The following SLC25A26 variants were observed in gnomAD, a reference collection of about 807,000 sequenced individuals.
SLC25A26 encodes solute carrier family 25 member 26.
Under a neutral mutation model 37.8 loss-of-function variants are expected in SLC25A26, and 36 were observed. That is an observed-to-expected ratio of 0.95 (90% CI 0.73 to 1.26). The LOEUF is 1.26. SLC25A26 is among the 50% of genes most tolerant of loss of function. The probability of loss-of-function intolerance (pLI) is 0.00; values close to 1 mark genes in which losing one functional copy is unlikely to be tolerated. For missense variants in SLC25A26, 390 were observed against 331.1 expected (o/e 1.18, Z -1.38); for synonymous variants, 129 against 122.5 (o/e 1.05, Z -0.35).
chr3:66,263,518 C>T (rs547712882), intron 5 of SLC25A26, 139 bp downstream of exon 5: 439 of 639,778 alleles, frequency 6.9e-4, no homozygotes, highest in Admixed American at 2.1e-3. Context: ...CGTCACTCTT[C>T]TGTTAAATTT....
At chr3:66,176,879 T>G (rs1184437468) in intron 1 of SLC25A26, among the ~76,000 whole-genome samples, 1 of 152,230 alleles carries the variant, frequency 6.6e-6, no homozygotes, top group African/African-American at 2.4e-5. Context: ...ATCGACCTTC[T>G]TCCCAGAGAC....
chr3:66,153,100 C>G (rs997056873), intron 1 of SLC25A26, among the ~76,000 whole-genome samples: 1 of 152,160 alleles, frequency 6.6e-6, no homozygotes, highest in Non-Finnish European at 1.5e-5. Context: ...TTCTGTTCCC[C>G]AGGGGCCATT....
chr3:66,134,912 C>T (rs1463465545), intron 1 of SLC25A26, among the ~76,000 whole-genome samples: 3 of 151,962 alleles, frequency 2.0e-5, no homozygotes, highest in African/African-American at 7.3e-5. Context: ...CTCACTGCAA[C>T]TTCTGCCTCC....
At chr3:66,311,461 G>T (rs1461724816) in intron 5 of SLC25A26, among the ~76,000 whole-genome samples, 1 of 152,004 alleles carries the variant, frequency 6.6e-6, no homozygotes, top group African/African-American at 2.4e-5. Flanking sequence ...CGAGGAGTTT[G>T]TTATTACCCA....
chr3:66,275,639 T>C (rs1318504940), intron 5 of SLC25A26, among the ~76,000 whole-genome samples: 1 of 152,102 alleles, frequency 6.6e-6, no homozygotes, highest in Non-Finnish European at 1.5e-5. Context: ...GCAAGAATTA[T>C]GGAGTTCTCA....
chr3:66,158,652 G>A (rs566607547), intron 1 of SLC25A26, among the ~76,000 whole-genome samples: 2 of 152,202 alleles, frequency 1.3e-5, no homozygotes, highest in African/African-American at 2.4e-5. Context: ...GGTTATTCAC[G>A]CAGGCATTGA....
intron 3 of SLC25A26, among the ~76,000 whole-genome samples, chr3:66,261,330 C>A (rs1172968059): frequency 6.6e-6 from 1 of 152,224 alleles, no homozygotes; most frequent in East Asian, 1.9e-4. Flanking sequence ...GGGCAGAGTT[C>A]CTTTGGGTTT....
Position 66,290,964 on chromosome 3 carries a change from G to A in SLC25A26, c.453+27585G>A, listed in dbSNP as rs144491635. 3.0e-3 allele frequency among the ~76,000 whole-genome samples: 461 copies of A among 152,116 alleles called. 3 individuals carry two copies. The highest frequency in any genetic ancestry group is 0.017 in the East Asian group (89 of 5,180). On this transcript the variant is annotated intron_variant, in intron 5 of 9. Transcript: ENST00000354883. ...GGTACTGGGCCTTTTTTGGTTTGTA[G>A]GCTATTAATTACTTCCTCAATTTCA...
At chr3:66,356,379 G>C (rs1370113274) in intron 6 of SLC25A26, among the ~76,000 whole-genome samples, 5 of 152,138 alleles carry the variant, frequency 3.3e-5, no homozygotes, top group African/African-American at 7.2e-5. Context: ...TTAGCATTAA[G>C]TGAAGAATCA....
intron 5 of SLC25A26, among the ~76,000 whole-genome samples, chr3:66,310,798 T>G (rs746974228): frequency 2.5e-4 from 38 of 152,200 alleles, no homozygotes; most frequent in Non-Finnish European, 4.3e-4. Flanking sequence ...GTTCTTTTCT[T>G]TAAGAATGTT....
At chr3:66,180,797 C>A (rs1050527436) in intron 1 of SLC25A26, among the ~76,000 whole-genome samples, 1 of 152,110 alleles carries the variant, frequency 6.6e-6, no homozygotes, top group East Asian at 1.9e-4. Context: ...TGGAATGAAA[C>A]GTGTCCCCCT....
intron 3 of SLC25A26, among the ~76,000 whole-genome samples, chr3:66,252,795 T>C (rs1372729814): frequency 2.0e-5 from 3 of 152,236 alleles, no homozygotes; most frequent in Non-Finnish European, 4.4e-5. Context: ...GTTTCCCAGC[T>C]ATTATTATTC....
intron 6 of SLC25A26, among the ~76,000 whole-genome samples, chr3:66,358,633 A>T (rs1451814770): frequency 1.3e-5 from 2 of 152,196 alleles, no homozygotes; most frequent in African/African-American, 4.8e-5. Flanking sequence ...TCTGTGAGTT[A>T]CTTAACATCT....
At chr3:66,330,874 T>C (rs984253482) in intron 5 of SLC25A26, among the ~76,000 whole-genome samples, 138 of 152,288 alleles carry the variant, frequency 9.1e-4, no homozygotes, top group South Asian at 1.0e-3. Context: ...CAAGATAAAC[T>C]ACCAGCCTAT....
intron 9 of SLC25A26, among the ~76,000 whole-genome samples, chr3:66,373,026 G>C (rs927943539): frequency 2.6e-5 from 4 of 152,316 alleles, no homozygotes; most frequent in Admixed American, 2.6e-4. Flanking sequence ...TGGCGCATAT[G>C]GGAGTACACA....
intron 1 of SLC25A26, among the ~76,000 whole-genome samples, chr3:66,164,285 A>G (rs1038570338): frequency 2.6e-5 from 4 of 152,220 alleles, no homozygotes; most frequent in Non-Finnish European, 5.9e-5. Flanking sequence ...GGATTGTTTA[A>G]TTGGACAACT....
At chr3:66,295,722 A>G (rs1023811991) in intron 5 of SLC25A26, among the ~76,000 whole-genome samples, 4 of 147,418 alleles carry the variant, frequency 2.7e-5, no homozygotes, top group African/African-American at 7.5e-5. Context: ...CTGATCTTGA[A>G]CTCCTGACCT....
chr3:66,292,985 T>G (rs1291330562), intron 5 of SLC25A26: 2 of 152,092 alleles, frequency 1.3e-5, no homozygotes, highest in Non-Finnish European at 2.9e-5. Context: ...TGTTTGTTCC[T>G]TTTCATTCTT....
intron 5 of SLC25A26, among the ~76,000 whole-genome samples, chr3:66,343,082 C>T (rs529710729): frequency 6.6e-6 from 1 of 152,256 alleles, no homozygotes; most frequent in East Asian, 1.9e-4. Context: ...TAAAATTCCA[C>T]GTTTTGAAGA....
Sources: allele counts gnomAD v4.1 joint callset (sites outside exome capture counted in the v4.1 genomes callset), GRCh38; gene constraint gnomAD v4.1.1; transcripts MANE v1.5; gene names NCBI Gene and HGNC (gene_info 2026-07-23, HGNC 2026-07-21).